TM2D1: variants seen among roughly 807,000 people sequenced by gnomAD.
TM2D1 encodes the protein TM2 domain-containing protein 1.
A neutral mutation model predicts 28.4 loss-of-function variants in TM2D1; 15 were observed. The ratio of observed to expected loss-of-function variants is 0.53; its 90% CI spans 0.35 to 0.81. The LOEUF is 0.81. TM2D1 is among the 40% of genes least tolerant of loss of function. TM2D1 has a pLI of 0.01. For missense variants in TM2D1, 236 were observed against 254.9 expected (o/e 0.93, Z 0.50); for synonymous variants, 93 against 96.2 (o/e 0.97, Z 0.20).
intron 3 of TM2D1, among the ~76,000 whole-genome samples, chr1:61,706,834 A>AAAAAGAAAGAAAGAAAG (rs1553142359): frequency 3.4e-5 from 5 of 146,376 alleles, no homozygotes; most frequent in Non-Finnish European, 7.5e-5. Flanking sequence ...TGTCTTAAAA[A>AAAAAGAAAGAAAGAAAG]AAAGAAAGAA....
At chr1:61,713,238 G>A (rs1644491426) in intron 2 of TM2D1, among the ~76,000 whole-genome samples, 1 of 151,920 alleles carries the variant, frequency 6.6e-6, no homozygotes, top group Non-Finnish European at 1.5e-5. Context: ...AGCACTTTGG[G>A]AGGCCGAGGC....
chr1:61,716,821 A>G (rs2148066010), intron 2 of TM2D1, among the ~76,000 whole-genome samples: 1 of 152,206 alleles, frequency 6.6e-6, no homozygotes, highest in Middle Eastern at 3.4e-3. Flanking sequence ...AAGAAAGAAG[A>G]ACTTGTTAAG....
At chr1:61,709,058 A>G (rs1346454844) in intron 3 of TM2D1, among the ~76,000 whole-genome samples, 1 of 152,132 alleles carries the variant, frequency 6.6e-6, no homozygotes, top group Admixed American at 6.6e-5. Context: ...CCAGCTACTT[A>G]CAGGACTGAG....
chr1:61,686,619 T>G lies in TM2D1; in HGVS notation c.514-3073A>C, dbSNP rs372746414. 2.7e-4 allele frequency among the ~76,000 whole-genome samples: 41 copies of G among 152,218 alleles called. No homozygotes were observed. The Middle Eastern group carries it at 0.01, about 38-fold the overall frequency. The stretch of plus-strand genomic sequence containing the variant: ...AGGCAGAGTTGCAGTGAGCTGAGAT[T>G]GTACCACTCCACTCCAACCTGGGAA... On this transcript the variant is annotated intron_variant, in intron 5 of 6. Transcript: ENST00000606498.
chr1:61,723,563 G>C (rs1644583006), intron 2 of TM2D1, 150 bp downstream of exon 2: 1 of 439,276 alleles, frequency 2.3e-6, no homozygotes, highest in South Asian at 4.9e-5. Flanking sequence ...CCTCTAGGTA[G>C]TTCTCCAGTT....
In TM2D1 at chr1:61,683,488, G is replaced by T. The variant is rs746603819; in HGVS notation, c.572C>A (p.Thr191Lys). 4.5e-6 allele frequency: 7 copies of T among 1,542,306 alleles called. No individual in the cohort carries two copies. The highest frequency in any genetic ancestry group is 1.3e-5 in the South Asian group (1 of 76,308). The change falls in exon 6 of 7, where the codon ACA becomes AAA. Residue 191 changes from threonine (T) to lysine (K), a missense_variant. By Grantham distance (78) the Thr-to-Lys change is moderately conservative (BLOSUM62 -1). Transcript: ENST00000606498. The part of the protein sequence containing the change: ...YIIDYYGTRL[T>K]RLSITNETFR... ...TGTTTCATTAGTAATACTCAGTCTT[G>T]TAAGTCTGGTTCCATAGTAATCTAT...
At chr1:61,707,925 G>A (rs1256451438) in intron 3 of TM2D1, among the ~76,000 whole-genome samples, 1 of 152,100 alleles carries the variant, frequency 6.6e-6, no homozygotes, top group Non-Finnish European at 1.5e-5. Flanking sequence ...ACAATATACA[G>A]TTTTAGGCTG....
chr1:61,713,299 G>A (rs1644491999), intron 2 of TM2D1, among the ~76,000 whole-genome samples: 2 of 151,910 alleles, frequency 1.3e-5, no homozygotes, highest in Non-Finnish European at 2.9e-5. Flanking sequence ...CCAACATGGT[G>A]AAACCCATCT....
intron 5 of TM2D1, among the ~76,000 whole-genome samples, chr1:61,691,592 T>C (rs1053807989): frequency 4.0e-5 from 6 of 151,046 alleles, no homozygotes; most frequent in South Asian, 4.2e-4. Flanking sequence ...AAAACTCGTA[T>C]TATCTAATCT....
chr1:61,707,498 T>C (rs1006009870), intron 3 of TM2D1, among the ~76,000 whole-genome samples: 5 of 152,240 alleles, frequency 3.3e-5, no homozygotes, highest in African/African-American at 4.8e-5. Flanking sequence ...AATGTATTAG[T>C]TGTTTAGAAT....
In TM2D1 at chr1:61,718,403, T is replaced by C. The variant is rs536464846; in HGVS notation, c.238+5310A>G. 7.2e-4 allele frequency among the ~76,000 whole-genome samples: 110 copies of C among 152,346 alleles called. 1 individual carries two copies. In the Middle Eastern group the frequency reaches 0.014, roughly 19 times the overall value. ...GTGCTAGGTTTGGAAAATAATCATT[T>C]TGCAACTATCAGAATAAAGAATAGT... On this transcript the variant is annotated intron_variant, in intron 2 of 6. Transcript: ENST00000606498.
rs536138462 is a variant in TM2D1 at position 61,689,296 on chromosome 1, A to AT, written c.513+5400dup. 1.5e-4 allele frequency among the ~76,000 whole-genome samples: 23 copies of AT among 152,322 alleles called. 1 individual carries two copies. The South Asian group carries it at 4.6e-3, about 30-fold the overall frequency. ...TTAAAAATGTTCGTAAAATGCAAAG[A>AT]TTTTTTAAAAGATAAAAATTAAGAA... On this transcript the variant is annotated intron_variant, in intron 5 of 6. Coordinates refer to ENST00000606498, the MANE Select transcript of TM2D1 (RefSeq NM_032027.3).
At chr1:61,715,122 G>C (rs1644507279) in intron 2 of TM2D1, among the ~76,000 whole-genome samples, 1 of 152,124 alleles carries the variant, frequency 6.6e-6, no homozygotes, top group Non-Finnish European at 1.5e-5. Context: ...ATATACTTGA[G>C]TGAAAAGAGG....
At chr1:61,713,742 G>T (rs1644496102) in intron 2 of TM2D1, among the ~76,000 whole-genome samples, 1 of 151,986 alleles carries the variant, frequency 6.6e-6, no homozygotes, top group Admixed American at 6.6e-5. Flanking sequence ...TCTAAAATCA[G>T]GTCTTAAAGA....
At chr1:61,715,703 A>C (rs922429189) in intron 2 of TM2D1, among the ~76,000 whole-genome samples, 17 of 151,448 alleles carry the variant, frequency 1.1e-4, no homozygotes, top group Admixed American at 6.6e-5. Flanking sequence ...AAAGCAAAGA[A>C]AAGAAAAAGA....
At chr1:61,719,173 T>C (rs1414808345) in intron 2 of TM2D1, among the ~76,000 whole-genome samples, 1 of 151,912 alleles carries the variant, frequency 6.6e-6, no homozygotes, top group Non-Finnish European at 1.5e-5. Context: ...GACTCAGTTA[T>C]CAGCCTCCCA....
At chr1:61,683,794 T>C (rs146615555) in intron 5 of TM2D1, 1 of 261,678 alleles carries the variant, frequency 3.8e-6, no homozygotes, top group Non-Finnish European at 7.1e-6. Flanking sequence ...CCTGAGGCCC[T>C]TGGCTTCCCT....
intron 3 of TM2D1, among the ~76,000 whole-genome samples, chr1:61,705,870 C>T (rs1338771357): frequency 6.6e-6 from 1 of 152,048 alleles, no homozygotes; most frequent in Non-Finnish European, 1.5e-5. Flanking sequence ...GACATGGTTA[C>T]CAGACTTCAG....
chr1:61,689,861 A>G (rs976103515), intron 5 of TM2D1, among the ~76,000 whole-genome samples: 1 of 152,174 alleles, frequency 6.6e-6, no homozygotes, highest in African/African-American at 2.4e-5. Context: ...GACACTGTGC[A>G]ATTCAGGAAT....
Sources: allele counts gnomAD v4.1 joint callset (sites outside exome capture counted in the v4.1 genomes callset), GRCh38; gene constraint gnomAD v4.1.1; transcripts MANE v1.5; gene names NCBI Gene and HGNC (gene_info 2026-07-23, HGNC 2026-07-21).